CTNNA2: variants seen among roughly 807,000 people sequenced by gnomAD.
CTNNA2 encodes the protein catenin alpha 2, also known as catenin alpha-2.
Under a neutral mutation model 101.0 loss-of-function variants are expected in CTNNA2, and 42 were observed. The observed-to-expected ratio is 0.42, with a 90% CI of 0.32 to 0.54. The LOEUF (loss-of-function observed/expected upper bound fraction) is 0.54. CTNNA2 is among the 20% of genes least tolerant of loss of function. CTNNA2 has a pLI of 0.14. For synonymous variants in CTNNA2, 450 were observed against 456.4 expected, an observed-to-expected ratio of 0.99 and a Z score of 0.18; for missense variants, 871 against 1,223.1, an observed-to-expected ratio of 0.71 and a Z score of 4.29.
At chr2:79,299,308 T>C (rs1236704446) in intron 2 of CTNNA2, among the ~76,000 whole-genome samples, 1 of 152,138 alleles carries the variant, frequency 6.6e-6, no homozygotes, top group African/African-American at 2.4e-5. Flanking sequence ...AATCCTTGGA[T>C]TTAGTTTATT....
intron 18 of CTNNA2, among the ~76,000 whole-genome samples, chr2:80,628,263 C>T (rs974768897): frequency 3.3e-5 from 5 of 151,442 alleles, no homozygotes; most frequent in Non-Finnish European, 5.9e-5. Context: ...GAAAAAAAAA[C>T]ACTTTAAATT....
At position 79,317,305 on chromosome 2, in the gene CTNNA2, T is replaced by G. The variant is rs566342899; in HGVS notation, c.-318+4509T>G. On this transcript the variant is annotated intron_variant, in intron 3 of 21. Transcript: ENST00000466387. ...TCTTTTCATATGGTTAGATTCAGTTTGCTACTCTTTTATTGAGGACTTTTG... is the reference window on the plus strand; with the variant it reads ...TCTTTTCATATGGTTAGATTCAGTTGGCTACTCTTTTATTGAGGACTTTTG... Among the ~76,000 whole-genome samples, 13 of 152,218 alleles carry G rather than the reference T, an allele frequency of 8.5e-5. No homozygotes were observed. In the South Asian group the frequency reaches 2.5e-3, roughly 29 times the overall value.
chr2:79,435,630 C>A (rs1164520758), intron 4 of CTNNA2, among the ~76,000 whole-genome samples: 1 of 152,182 alleles, frequency 6.6e-6, no homozygotes, highest in Non-Finnish European at 1.5e-5. Context: ...TAAAGCTGTC[C>A]TTTCCCCACA....
intron 8 of CTNNA2, among the ~76,000 whole-genome samples, chr2:80,403,827 G>A (rs1678805577): frequency 6.6e-6 from 1 of 152,172 alleles, no homozygotes; most frequent in Non-Finnish European, 1.5e-5. Context: ...AAGGGATGTT[G>A]AATTTTGTCG....
At chr2:80,320,189 A>T (rs1307264525) in intron 7 of CTNNA2, among the ~76,000 whole-genome samples, 1 of 152,230 alleles carries the variant, frequency 6.6e-6, no homozygotes, top group Non-Finnish European at 1.5e-5. Flanking sequence ...GAAAATAAAC[A>T]TAAAGTGATA....
At chr2:79,301,867 T>C (rs1676117883) in intron 2 of CTNNA2, among the ~76,000 whole-genome samples, 1 of 151,870 alleles carries the variant, frequency 6.6e-6, no homozygotes, top group African/African-American at 2.4e-5. Flanking sequence ...GGCGGGTGGA[T>C]CATATTTGAG....
intron 7 of CTNNA2, among the ~76,000 whole-genome samples, chr2:80,011,049 G>C (rs1428257720): frequency 1.3e-5 from 2 of 152,006 alleles, no homozygotes; most frequent in Non-Finnish European, 2.9e-5. Flanking sequence ...GGAATTCACT[G>C]CCTGTCACAA....
At chr2:79,591,662 T>C (rs897835888) in intron 1 of CTNNA2, among the ~76,000 whole-genome samples, 3 of 152,200 alleles carry the variant, frequency 2.0e-5, no homozygotes, top group African/African-American at 7.2e-5. Context: ...TTTTAGTTTT[T>C]CTAATCTTTC....
chr2:79,960,475 T>C (rs1174543122), intron 7 of CTNNA2, among the ~76,000 whole-genome samples: 9 of 152,260 alleles, frequency 5.9e-5, no homozygotes, highest in East Asian at 3.8e-4. Context: ...AGTGCTGCGA[T>C]TGATTCTGCT....
intron 7 of CTNNA2, among the ~76,000 whole-genome samples, chr2:80,226,337 G>A (rs924908430): frequency 1.2e-4 from 19 of 152,212 alleles, no homozygotes; most frequent in African/African-American, 4.1e-4. Flanking sequence ...GGGACTGGAG[G>A]CCTTTTCCCT....
chr2:80,154,481 T>C (rs1270416349), intron 7 of CTNNA2, among the ~76,000 whole-genome samples: 1 of 152,180 alleles, frequency 6.6e-6, no homozygotes, highest in African/African-American at 2.4e-5. Flanking sequence ...ATTCTGAGTA[T>C]TGAATGTGAT....
At chr2:79,292,585 T>C (rs1056701129) in intron 2 of CTNNA2, among the ~76,000 whole-genome samples, 9 of 152,198 alleles carry the variant, frequency 5.9e-5, no homozygotes, top group African/African-American at 1.7e-4. Context: ...AGCAGGGGTA[T>C]GGTTAAGTAC....
At chr2:80,391,714 A>C (rs1677535675) in intron 7 of CTNNA2, among the ~76,000 whole-genome samples, 1 of 152,236 alleles carries the variant, frequency 6.6e-6, no homozygotes, top group South Asian at 2.1e-4. Flanking sequence ...GCACAACCAC[A>C]TTCCCTTGAA....
intron 7 of CTNNA2, among the ~76,000 whole-genome samples, chr2:79,929,523 A>C (rs1004162627): frequency 3.9e-5 from 6 of 152,216 alleles, no homozygotes; most frequent in Non-Finnish European, 7.3e-5. Flanking sequence ...GTTCTCTCTC[A>C]CTGGATTGTG....
chr2:80,115,851 T>C (rs923190913), intron 7 of CTNNA2, among the ~76,000 whole-genome samples: 16 of 152,198 alleles, frequency 1.1e-4, no homozygotes, highest in African/African-American at 2.7e-4. Context: ...TGAAACCTGT[T>C]GACCAGGGTT....
chr2:79,827,303 G>T (rs946216039), intron 3 of CTNNA2, among the ~76,000 whole-genome samples: 4 of 152,154 alleles, frequency 2.6e-5, no homozygotes, highest in African/African-American at 4.8e-5. Flanking sequence ...CTCCCAAAGT[G>T]CTGGGATTAC....
chr2:80,390,336 C>T (rs1408464584), intron 7 of CTNNA2, among the ~76,000 whole-genome samples: 5 of 152,208 alleles, frequency 3.3e-5, no homozygotes, highest in Admixed American at 6.5e-5. Context: ...GGTCTATTCC[C>T]CTGTATCAGG....
At chr2:79,933,402 C>T (rs1237295483) in intron 7 of CTNNA2, among the ~76,000 whole-genome samples, 1 of 151,414 alleles carries the variant, frequency 6.6e-6, no homozygotes, top group Non-Finnish European at 1.5e-5. Flanking sequence ...GCTACTAGAC[C>T]TAGTGAAACA....
At chr2:79,482,516 G>A (rs1671120041) in intron 4 of CTNNA2, among the ~76,000 whole-genome samples, 1 of 152,088 alleles carries the variant, frequency 6.6e-6, no homozygotes, top group African/African-American at 2.4e-5. Flanking sequence ...GACACCTTGG[G>A]ATCAGCCTAG....
Sources: allele counts gnomAD v4.1 joint callset (sites outside exome capture counted in the v4.1 genomes callset), GRCh38; gene constraint gnomAD v4.1.1; transcripts MANE v1.5; gene names NCBI Gene and HGNC (gene_info 2026-07-23, HGNC 2026-07-21).